Variants in ARHGAP32 observed in about 807,000 individuals in gnomAD.
The protein encoded by ARHGAP32 is rho GTPase-activating protein 32.
A neutral mutation model predicts 186.5 loss-of-function variants in ARHGAP32; 51 were observed. That is an observed-to-expected ratio of 0.27 (90% CI 0.22 to 0.35). The LOEUF is 0.35. Ranked by LOEUF, ARHGAP32 falls within the 10% of genes least tolerant of loss-of-function variation. The probability of loss-of-function intolerance (pLI) is 1.00; values close to 1 mark genes in which losing one functional copy is unlikely to be tolerated. For synonymous variants in ARHGAP32, 950 were observed against 964.3 expected (o/e 0.99, Z 0.27); for missense variants, 2,186 against 2,623.5 (o/e 0.83, Z 3.64).
chr11:129,072,213 T>TA (rs371145697), intron 6 of ARHGAP32, among the ~76,000 whole-genome samples: 60 of 152,304 alleles, frequency 3.9e-4, no homozygotes, highest in African/African-American at 1.4e-3. Context: ...CCCACAGAGG[T>TA]ATTTAAAATA....
intron 6 of ARHGAP32, among the ~76,000 whole-genome samples, chr11:129,078,273 G>A (rs1941108901): frequency 6.6e-6 from 1 of 152,108 alleles, no homozygotes; most frequent in Admixed American, 6.5e-5. Flanking sequence ...ACCACATCAA[G>A]AGAGCACTCT....
intron 11 of ARHGAP32, among the ~76,000 whole-genome samples, chr11:129,018,774 G>A (rs1381100605): frequency 1.3e-5 from 2 of 152,100 alleles, no homozygotes; most frequent in Non-Finnish European, 2.9e-5. Context: ...TTTGTAGGTA[G>A]TTGGGCAAGA....
At chr11:128,995,944 T>A (rs1946188692) in intron 12 of ARHGAP32, among the ~76,000 whole-genome samples, 2 of 152,242 alleles carry the variant, frequency 1.3e-5, no homozygotes, top group Admixed American at 1.3e-4. Context: ...TTAAGATAAG[T>A]CCCTAAGGAT....
intron 11 of ARHGAP32, among the ~76,000 whole-genome samples, chr11:129,019,614 A>G (rs531358661): frequency 1.2e-4 from 19 of 152,120 alleles, no homozygotes; most frequent in Non-Finnish European, 2.4e-4. Flanking sequence ...CTAATTATCA[A>G]GATAATTTAT....
chr11:129,275,026 T>C (rs1306947440), intron 1 of ARHGAP32, among the ~76,000 whole-genome samples: 2 of 152,142 alleles, frequency 1.3e-5, no homozygotes, highest in South Asian at 2.1e-4. Flanking sequence ...AACAGAAGTA[T>C]CTTTCCACCC....
rs574063792 is a variant in ARHGAP32, at chr11:129,178,779, T to A, written c.116+13304A>T. Among the ~76,000 whole-genome samples the A allele has an allele frequency of 8.6e-4, 131 of 151,514 alleles. 2 individuals are homozygous for A. The South Asian group carries it at 0.027, about 31-fold the overall frequency. ...AACTGGATCCCTTCCTTACACCTGA[T>A]ACAAAAATCAATTCAAGATGGATTA... On this transcript the variant is annotated intron_variant, in intron 1 of 22. Transcript: ENST00000682385.
chr11:128,973,103 G>A lies in ARHGAP32; in HGVS notation c.3403C>T (p.Leu1135=), dbSNP rs775747274. The A allele has an allele frequency of 6.2e-7, 1 of 1,614,198 alleles. No individual in the cohort carries two copies. Among genetic ancestry groups the A allele is most frequent in the Non-Finnish European group, 8.5e-7 (1 of 1,180,030 alleles). Residue 1135 remains leucine (L), a synonymous_variant, in exon 22 of 23, where the codon CTA becomes TTA. Coordinates refer to ENST00000682385, the MANE Select transcript of ARHGAP32 (RefSeq NM_001378024.1). The part of the protein sequence containing the change: ...NNAPGNCDHP[L]PETTATGDPT... ...TCCCCAGTAGCTGTTGTCTCTGGTAGAGGATGGTCACAGTTTCCTGGTGCA... is the reference window on the plus strand; with the variant it reads ...TCCCCAGTAGCTGTTGTCTCTGGTAAAGGATGGTCACAGTTTCCTGGTGCA...
rs1297987903 is a variant in ARHGAP32, at chr11:129,123,060, AAAG to A, written c.444+383_444+385del. ...CAGTAACAGTAAAAACATTTCTGAA[AAAG>A]AAGAATAAAGTGAGAACACTTTAAT... On this transcript the variant is annotated intron_variant, in intron 5 of 22. Transcript: ENST00000682385. This position sits in a 1 kb window ranked among gnomAD's most constrained non-coding sequence, Gnocchi z 4.6. Among the ~76,000 whole-genome samples, 1 of 152,134 alleles carries A rather than the reference AAAG, an allele frequency of 6.6e-6. No homozygotes were observed. The highest frequency in any genetic ancestry group is 2.4e-5 in the African/African-American group (1 of 41,446).
intron 5 of ARHGAP32, among the ~76,000 whole-genome samples, chr11:129,094,460 GA>G (rs1941672239): frequency 6.6e-6 from 1 of 152,174 alleles, no homozygotes; most frequent in Non-Finnish European, 1.5e-5. Flanking sequence ...CCGACATGTA[GA>G]AGCTAAGAGG....
chr11:129,152,457 C>A (rs1054747819), intron 2 of ARHGAP32, among the ~76,000 whole-genome samples: 1 of 152,012 alleles, frequency 6.6e-6, no homozygotes, highest in Non-Finnish European at 1.5e-5. Context: ...GACCAGTATC[C>A]CTGAGGAACA....
chr11:129,059,496 ATTT>A (rs10677456), intron 10 of ARHGAP32, among the ~76,000 whole-genome samples: 272 of 115,628 alleles, frequency 2.4e-3, no homozygotes, highest in African/African-American at 9.0e-3. Flanking sequence ...CTGATTTGCA[ATTT>A]TTTTTTTTTT....
In ARHGAP32 at chr11:128,969,759, G is replaced by A; in HGVS notation, c.5454C>T (p.Leu1818=). The A allele has an allele frequency of 1.2e-6, 2 of 1,614,140 alleles. No individual in the cohort carries two copies. Among genetic ancestry groups the A allele is most frequent in the Non-Finnish European group, 8.5e-7 (1 of 1,180,038 alleles). ...GGCTCTCCTTTCCTTCTGCCACTGA[G>A]AGAAGTCCAGTTTTCCCAGGATCTG... ...SKSDPGKTGL[L]SVAEGKESRH... The change falls in exon 23 of 23, where the codon CTC becomes CTT. Residue 1818 remains leucine, a synonymous_variant. Coordinates refer to ENST00000682385, the MANE Select transcript of ARHGAP32 (RefSeq NM_001378024.1). This position sits in a 1 kb window ranked among gnomAD's most constrained non-coding sequence, Gnocchi z 4.8.
intron 1 of ARHGAP32, among the ~76,000 whole-genome samples, chr11:129,187,680 T>G (rs1303417415): frequency 1.3e-5 from 2 of 152,296 alleles, no homozygotes; most frequent in East Asian, 3.9e-4. Flanking sequence ...ATACCCACTA[T>G]GAACCCCCTA....
intron 10 of ARHGAP32, among the ~76,000 whole-genome samples, chr11:129,044,127 G>A (rs564437643): frequency 6.6e-6 from 1 of 152,178 alleles, no homozygotes; most frequent in South Asian, 2.1e-4. Flanking sequence ...TCAATCTTAA[G>A]TCTGCCACTC....
chr11:129,182,227 A>G (rs1169119450), intron 1 of ARHGAP32, among the ~76,000 whole-genome samples: 1 of 152,152 alleles, frequency 6.6e-6, no homozygotes, highest in Admixed American at 6.6e-5. Flanking sequence ...CAATGCTACA[A>G]TAAGTTTGTG....
chr11:129,067,834 A>T (rs1940745359), intron 6 of ARHGAP32, among the ~76,000 whole-genome samples: 1 of 152,052 alleles, frequency 6.6e-6, no homozygotes, highest in African/African-American at 2.4e-5. Context: ...ACCTCATGAG[A>T]GGGTGCTGAT....
intron 1 of ARHGAP32, among the ~76,000 whole-genome samples, chr11:129,179,097 GA>G (rs1158375965): frequency 1.3e-5 from 2 of 151,112 alleles, no homozygotes; most frequent in African/African-American, 4.9e-5. Flanking sequence ...AAATTTACAA[GA>G]AAAAAACAAA....
At position 128,972,991 on chromosome 11, in the gene ARHGAP32, G is replaced by A; in HGVS notation, c.3515C>T (p.Ser1172Phe). 3 of 1,614,092 alleles carry A rather than the reference G, an allele frequency of 1.9e-6. No individual in the cohort carries two copies. Among genetic ancestry groups the A allele is most frequent in the Non-Finnish European group, 2.5e-6 (3 of 1,180,006 alleles). ...TGNQPHQAYL[S>F]GDPEKARITS... is the part of the protein sequence containing the mutation. The stretch of plus-strand genomic sequence containing the variant: ...AATTCTGGCCTTTTCTGGGTCCCCA[G>A]ATAAATATGCTTGATGTGGCTGATT... Residue 1172 changes from serine to phenylalanine, a missense_variant, in exon 22 of 23, where the codon TCT becomes TTT. Transcript: ENST00000682385.
chr11:129,103,654 AC>A (rs1468161302), intron 5 of ARHGAP32, among the ~76,000 whole-genome samples: 1 of 152,122 alleles, frequency 6.6e-6, no homozygotes, highest in Non-Finnish European at 1.5e-5. Context: ...AAAGAAAAAA[AC>A]ATACATGACT....
Sources: allele counts gnomAD v4.1 joint callset (sites outside exome capture counted in the v4.1 genomes callset), GRCh38; gene constraint gnomAD v4.1.1; non-coding constraint Gnocchi (gnomAD v3.1); transcripts MANE v1.5; gene names NCBI Gene and HGNC (gene_info 2026-07-23, HGNC 2026-07-21).